ANK2: variants seen among roughly 807,000 people sequenced by gnomAD.
ANK2 encodes the protein ankyrin-2.
ANK2 carries 83 observed loss-of-function variants against 360.5 expected under a neutral mutation model. That is an observed-to-expected ratio of 0.23 (90% CI 0.19 to 0.28). The LOEUF is 0.28. Ranked by LOEUF, ANK2 falls within the 10% of genes least tolerant of loss-of-function variation. ANK2 has a pLI of 1.00. For synonymous variants in ANK2, 1,740 were observed against 1,759.5 expected, an observed-to-expected ratio of 0.99 and a Z score of 0.28; for missense variants, 4,201 against 4,795.7, an observed-to-expected ratio of 0.88 and a Z score of 3.66.
chr4:113,258,845 A>C (rs2050980856), intron 13 of ANK2, among the ~76,000 whole-genome samples: 1 of 152,230 alleles, frequency 6.6e-6, no homozygotes, highest in Non-Finnish European at 1.5e-5. Context: ...CCTTAACAAA[A>C]GATTAACCAG....
At chr4:113,036,587 A>G (rs1359581092) in intron 2 of ANK2, among the ~76,000 whole-genome samples, 1 of 151,856 alleles carries the variant, frequency 6.6e-6, no homozygotes, top group Non-Finnish European at 1.5e-5. Flanking sequence ...GCCTGCAGGA[A>G]ATTTGAAGGA....
chr4:112,834,141 G>A (rs956071705), intron 1 of ANK2, among the ~76,000 whole-genome samples: 8 of 152,060 alleles, frequency 5.3e-5, no homozygotes, highest in Non-Finnish European at 7.3e-5. Flanking sequence ...CAACTAGAAC[G>A]TATAATGGAC....
intron 11 of ANK2, among the ~76,000 whole-genome samples, chr4:113,256,780 T>G (rs29427): frequency 4.1e-4 from 63 of 152,346 alleles, no homozygotes; most frequent in Non-Finnish European, 7.8e-4. Context: ...ATATTAAATA[T>G]GATTTTTACA....
At chr4:112,904,579 T>C in intron 2 of ANK2, 4 of 1,228,818 alleles carry the variant, frequency 3.3e-6, no homozygotes, top group Non-Finnish European at 4.5e-6. Context: ...GGTTAGAATG[T>C]AATTAAGTAC....
intron 2 of ANK2, among the ~76,000 whole-genome samples, chr4:112,989,826 C>T (rs531115480): frequency 1.4e-4 from 22 of 152,252 alleles, no homozygotes; most frequent in African/African-American, 5.1e-4. Flanking sequence ...TTACAGAAAA[C>T]ATGCACAAAC....
intron 1 of ANK2, among the ~76,000 whole-genome samples, chr4:113,061,823 A>C (rs1337227242): frequency 6.6e-6 from 1 of 152,176 alleles, no homozygotes; most frequent in Non-Finnish European, 1.5e-5. Context: ...AAAATAATGT[A>C]ATTGTACATT....
chr4:113,260,691 T>A (rs970736901), intron 13 of ANK2, among the ~76,000 whole-genome samples: 3 of 152,252 alleles, frequency 2.0e-5, no homozygotes, highest in Admixed American at 6.5e-5. Flanking sequence ...AATTAAAATT[T>A]AACTGGCTGT....
At chr4:113,031,748 A>G (rs941101755) in intron 2 of ANK2, among the ~76,000 whole-genome samples, 3 of 152,044 alleles carry the variant, frequency 2.0e-5, no homozygotes, top group Non-Finnish European at 2.9e-5. Flanking sequence ...AAGAATTGAG[A>G]AATCCCATCT....
chr4:113,238,446 G>T (rs1312118577), intron 7 of ANK2, among the ~76,000 whole-genome samples: 2 of 152,114 alleles, frequency 1.3e-5, no homozygotes, highest in Non-Finnish European at 2.9e-5. Context: ...TTCTCACAGG[G>T]TATACTTGAA....
chr4:113,137,047 T>G (rs1464892453), intron 1 of ANK2, among the ~76,000 whole-genome samples: 1 of 152,128 alleles, frequency 6.6e-6, no homozygotes, highest in Admixed American at 6.5e-5. Context: ...CTGGCCAGGC[T>G]GGTCTCAAAC....
At chr4:112,714,203 G>T in the ANK2 span, among the ~76,000 whole-genome samples, 2 of 152,090 alleles carry the variant, frequency 1.3e-5, no homozygotes, top group East Asian at 1.9e-4. Flanking sequence ...CTTTTTTTGA[G>T]ATGGAGTCTT....
At chr4:112,986,844 A>C (rs1353082348) in intron 2 of ANK2, among the ~76,000 whole-genome samples, 1 of 152,198 alleles carries the variant, frequency 6.6e-6, no homozygotes, top group African/African-American at 2.4e-5. Flanking sequence ...GCGATGTTCC[A>C]CCTTCTATGT....
chr4:112,949,623 CA>C (rs1218632906), intron 2 of ANK2, among the ~76,000 whole-genome samples: 1 of 151,994 alleles, frequency 6.6e-6, no homozygotes, highest in Non-Finnish European at 1.5e-5. Context: ...CCATTTAGAA[CA>C]AAAATAATTG....
intron 26 of ANK2, chr4:113,323,930 T>C (rs552273606): frequency 1.4e-6 from 1 of 699,218 alleles, no homozygotes; most frequent in African/African-American, 1.8e-5. Flanking sequence ...AAGATTGATG[T>C]TCTCCAAATT....
At chr4:112,762,948 C>T in the ANK2 span, among the ~76,000 whole-genome samples, 47 of 152,296 alleles carry the variant, frequency 3.1e-4, no homozygotes, top group African/African-American at 1.1e-3. Context: ...TAAAACCTTA[C>T]GTTTTGAAAA....
At chr4:112,784,953 G>A in the ANK2 span, among the ~76,000 whole-genome samples, 1 of 152,198 alleles carries the variant, frequency 6.6e-6, no homozygotes, top group Non-Finnish European at 1.5e-5. Context: ...CTTTGTGGTT[G>A]AGCTGGAAAA....
intron 26 of ANK2, among the ~76,000 whole-genome samples, chr4:113,319,264 A>G (rs1190051428): frequency 6.6e-6 from 1 of 152,128 alleles, no homozygotes; most frequent in African/African-American, 2.4e-5. Context: ...TTTCAAACAT[A>G]CTTAAAGTTG....
chr4:113,023,449 C>T (rs1477671860), intron 2 of ANK2, among the ~76,000 whole-genome samples: 1 of 152,168 alleles, frequency 6.6e-6, no homozygotes, highest in Non-Finnish European at 1.5e-5. Context: ...ACCCTTGGGT[C>T]CTTGGTGCAG....
intron 1 of ANK2, among the ~76,000 whole-genome samples, chr4:112,893,965 C>G (rs1309345268): frequency 6.6e-6 from 1 of 152,174 alleles, no homozygotes; most frequent in African/African-American, 2.4e-5. Flanking sequence ...CCACTGCACT[C>G]CAGCCTGGGC....
Sources: allele counts gnomAD v4.1 joint callset (sites outside exome capture counted in the v4.1 genomes callset), GRCh38; gene constraint gnomAD v4.1.1; transcripts MANE v1.5; gene names NCBI Gene and HGNC (gene_info 2026-07-23, HGNC 2026-07-21).